The following ODF2 variants were observed in gnomAD, a reference collection of about 807,000 sequenced individuals.
ODF2 encodes outer dense fiber of sperm tails 2, also known as outer dense fiber protein 2.
Under a neutral mutation model 110.2 loss-of-function variants are expected in ODF2, and 47 were observed. The observed-to-expected ratio is 0.43, with a 90% CI of 0.34 to 0.54. The LOEUF (loss-of-function observed/expected upper bound fraction) is 0.54. ODF2 is among the 20% of genes least tolerant of loss of function. The pLI is 0.03. For synonymous variants in ODF2, 352 were observed against 397.7 expected, an observed-to-expected ratio of 0.89 and a Z score of 1.37; for missense variants, 812 against 1,054.5, an observed-to-expected ratio of 0.77 and a Z score of 3.19.
At chr9:128,456,404 C>G (rs1834790115) in intron 1 of ODF2, 149 bp downstream of exon 1, 2 of 1,464,758 alleles carry the variant, frequency 1.4e-6, no homozygotes, top group Non-Finnish European at 1.8e-6. Flanking sequence ...CCTGTCAGAA[C>G]CTGGGCCCCC....
At chr9:128,460,392 G>A (rs1396960897) in intron 3 of ODF2, 158 bp from the exon 3 acceptor site, 19 of 1,422,718 alleles carry the variant, frequency 1.3e-5, no homozygotes, top group South Asian at 5.4e-5. Context: ...TGATACTCCC[G>A]CCTTACTCCC....
chr9:128,456,463 C>G, intron 1 of ODF2: 1 of 1,518,190 alleles, frequency 6.6e-7, no homozygotes, highest in Non-Finnish European at 8.8e-7. Context: ...AACGGGCGGT[C>G]GGCCGCCTCC....
chr9:128,476,677 G>A (rs897642081), intron 8 of ODF2, among the ~76,000 whole-genome samples: 7 of 147,020 alleles, frequency 4.8e-5, no homozygotes, highest in African/African-American at 1.5e-4. Context: ...TTGCTCTGTC[G>A]CCCAGGCTAG....
chr9:128,474,862 G>A (rs1840903902), intron 8 of ODF2, among the ~76,000 whole-genome samples: 1 of 151,760 alleles, frequency 6.6e-6, no homozygotes, highest in East Asian at 1.9e-4. Context: ...TACTCAGGAG[G>A]CTAAGGTAGG....
At chr9:128,484,145 T>C in intron 11 of ODF2, 91 bp downstream of exon 11, 1 of 925,146 alleles carries the variant, frequency 1.1e-6, no homozygotes, top group South Asian at 1.3e-5. Context: ...ACTCAGGAAG[T>C]GTGCCTCCAA....
Position 128,494,985 on chromosome 9 carries a change from G to T in ODF2, c.1911+317G>T. On this transcript the variant is annotated intron_variant, in intron 17 of 20. Coordinates refer to ENST00000604420, the Ensembl canonical transcript of ODF2. The surrounding 1 kb of genome is among the most constrained non-coding windows in gnomAD (Gnocchi z 4.6). ...CTCAGCTCCACACCCACAGCTGGGAGATGCCAGCAGACACCGAGCCGTAGA... is the reference window on the plus strand; with the variant it reads ...CTCAGCTCCACACCCACAGCTGGGATATGCCAGCAGACACCGAGCCGTAGA... The T allele has an allele frequency of 1.6e-6, 1 of 630,688 alleles. No homozygotes were observed. 39.1% of individuals were successfully genotyped at this position (630,688 alleles called of 1,614,324 possible).
intron 6 of ODF2, among the ~76,000 whole-genome samples, chr9:128,472,100 GAA>G (rs1287212232): frequency 6.6e-6 from 1 of 152,180 alleles, no homozygotes; most frequent in Admixed American, 6.5e-5. Flanking sequence ...CCAACATGGT[GAA>G]ACCCTGTCTC....
intron 2 of ODF2, among the ~76,000 whole-genome samples, chr9:128,458,821 T>C (rs1369111101): frequency 1.3e-5 from 2 of 152,048 alleles, no homozygotes; most frequent in African/African-American, 4.8e-5. Flanking sequence ...CTGAGCCTAA[T>C]GCTCTTTGAA....
chr9:128,468,544 A>G (rs899583710), intron 4 of ODF2, among the ~76,000 whole-genome samples: 3 of 151,594 alleles, frequency 2.0e-5, no homozygotes, highest in Non-Finnish European at 4.4e-5. Flanking sequence ...TTTTTTTTAG[A>G]AGGAGTTTCG....
chr9:128,484,663 C>T (rs1376661043), intron 11 of ODF2, 38 bp from the exon 12 acceptor site: 2 of 1,549,266 alleles, frequency 1.3e-6, no homozygotes, highest in African/African-American at 2.7e-5. Flanking sequence ...CTCCTTGTCT[C>T]TCTTCTCCCT....
chr9:128,471,342 A>G, exon 6 of ODF2: 1 of 1,612,322 alleles, frequency 6.2e-7, no homozygotes, highest in Non-Finnish European at 8.5e-7. Flanking sequence ...CAGATGGCCA[A>G]AAGGTTCCTG....
chr9:128,485,452 C>A lies in ODF2; in HGVS notation c.1378C>A (p.Leu460Met), dbSNP rs1843177331. 5 of 1,597,378 alleles carry A rather than the reference C, an allele frequency of 3.1e-6. No individual in the cohort carries two copies. The highest frequency in any genetic ancestry group is 4.3e-6 in the Non-Finnish European group (5 of 1,165,102). ...TGTAAAAGAAAAGGGAGACCTTGAG[C>A]TGGAAATTATTGTCCTGAATGAGTA... The change falls in exon 13 of 21, where the codon CTG becomes ATG. Residue 460 changes from leucine to methionine, a missense_variant. By Grantham distance (15) the Leu-to-Met change is conservative. This residue lies in a region of ODF2 where 165 missense variants were observed against 293.4 expected (regional missense o/e 0.56). Coordinates refer to ENST00000604420, the Ensembl canonical transcript of ODF2. This position sits in a 1 kb window ranked among gnomAD's most constrained non-coding sequence, Gnocchi z 5.0.
At chr9:128,458,829 G>A (rs1011559437) in intron 2 of ODF2, among the ~76,000 whole-genome samples, 1 of 151,910 alleles carries the variant, frequency 6.6e-6, no homozygotes, top group African/African-American at 2.4e-5. Flanking sequence ...AATGCTCTTT[G>A]AAAAAATTTT....
chr9:128,482,700 C>T, intron 9 of ODF2, 116 bp from the exon 10 acceptor site: 1 of 631,156 alleles, frequency 1.6e-6, no homozygotes, highest in Non-Finnish European at 2.8e-6. Context: ...CTGACATGGG[C>T]CAATGTATGT....
chr9:128,455,924 G>A (rs1447562740), upstream of ODF2: 5 of 1,388,236 alleles, frequency 3.6e-6, no homozygotes, highest in Non-Finnish European at 4.7e-6. Context: ...TTGAATGGGG[G>A]GCGAGACCCG....
intron 2 of ODF2, among the ~76,000 whole-genome samples, chr9:128,457,749 A>G (rs1251634178): frequency 3.3e-5 from 5 of 152,054 alleles, no homozygotes; most frequent in African/African-American, 1.2e-4. Flanking sequence ...TAAATAAATA[A>G]CACGTAGGAG....
chr9:128,467,030 T>A (rs866343582), intron 4 of ODF2, among the ~76,000 whole-genome samples: 2 of 90,274 alleles, frequency 2.2e-5, no homozygotes, highest in African/African-American at 4.6e-5. Flanking sequence ...TATATATATA[T>A]ATATATATAT....
At chr9:128,487,956 C>T in exon 14 of ODF2, 5 of 1,613,988 alleles carry the variant, frequency 3.1e-6, no homozygotes, top group South Asian at 2.2e-5. Flanking sequence ...ACCGGGATAG[C>T]CTGGTGGAGA....
rs763958412 is a variant in ODF2, at chr9:128,485,506, G to T, written c.1400+32G>T. The T allele has an allele frequency of 8.1e-7, 1 of 1,240,364 alleles. No individual in the cohort carries two copies. Among genetic ancestry groups the T allele is most frequent in the Non-Finnish European group, 1.2e-6 (1 of 847,042 alleles). The allele number at this position is 1,240,364 out of a possible 1,614,324, so 76.8% of individuals were successfully genotyped here. A position where few individuals can be genotyped will look rare whatever the true frequency, so the allele number is the denominator to read the frequency against. On this transcript the variant is annotated intron_variant, in intron 13 of 20. Coordinates refer to ENST00000604420, the Ensembl canonical transcript of ODF2. The surrounding 1 kb of genome is among the most constrained non-coding windows in gnomAD (Gnocchi z 5.0). ...CTTAGAGTAGGAGAGGGAATGTGGC[G>T]CTGTTGAGGGACTTGGGTGTGCAGG...
Sources: allele counts gnomAD v4.1 joint callset (sites outside exome capture counted in the v4.1 genomes callset), GRCh38; gene constraint gnomAD v4.1.1; regional missense constraint gnomAD v4.1.1; non-coding constraint Gnocchi (gnomAD v3.1); transcripts MANE v1.5; gene names NCBI Gene and HGNC (gene_info 2026-07-23, HGNC 2026-07-21).